The following MFNG variants were observed in gnomAD, a reference collection of about 807,000 sequenced individuals.
MFNG encodes beta-1,3-N-acetylglucosaminyltransferase manic fringe.
A neutral mutation model predicts 34.2 loss-of-function variants in MFNG; 24 were observed. The observed-to-expected ratio is 0.70, with a 90% CI of 0.51 to 0.99. The LOEUF (loss-of-function observed/expected upper bound fraction) is 0.99. Ranked by LOEUF, MFNG falls within the 50% of genes least tolerant of loss-of-function variation. The probability of loss-of-function intolerance (pLI) is 0.00; values close to 1 mark genes in which losing one functional copy is unlikely to be tolerated. For missense variants in MFNG, 383 were observed against 424.0 expected (o/e 0.90, Z 0.85); for synonymous variants, 158 against 179.2 (o/e 0.88, Z 0.94).
At chr22:37,484,813 G>T (rs1400604576) in intron 1 of MFNG, among the ~76,000 whole-genome samples, 1 of 152,232 alleles carries the variant, frequency 6.6e-6, no homozygotes, top group Non-Finnish European at 1.5e-5. Flanking sequence ...TTAATCCCAA[G>T]TACGAGGGCA....
At chr22:37,480,801 A>G (rs1316216554) in intron 1 of MFNG, 32 bp from the exon 2 acceptor site, 4 of 1,606,772 alleles carry the variant, frequency 2.5e-6, no homozygotes, top group East Asian at 2.2e-5. Context: ...CAGGACTCAC[A>G]TCGGCCCAAG....
At chr22:37,471,048 G>C (rs958927493) in intron 7 of MFNG, among the ~76,000 whole-genome samples, 16 of 152,070 alleles carry the variant, frequency 1.1e-4, no homozygotes, top group African/African-American at 3.6e-4. Flanking sequence ...GTCAACATCA[G>C]GGCTCTGACT....
At position 37,480,721 on chromosome 22, in the gene MFNG, C is replaced by T. The variant is rs766925870; in HGVS notation, c.304G>A (p.Gly102Arg). The T allele has an allele frequency of 6.2e-7, 1 of 1,613,528 alleles. No individual in the cohort carries two copies. Among genetic ancestry groups the T allele is most frequent in the Non-Finnish European group, 8.5e-7 (1 of 1,179,730 alleles). ...CCACACCCAGGCCGGGCAGAGTTACCCAGTCTCTCCTGGAGGCCTTTGTCT... is the reference window on the plus strand; with the variant it reads ...CCACACCCAGGCCGGGCAGAGTTACTCAGTCTCTCCTGGAGGCCTTTGTCT... ...SPDKGLQERL[G>R]SHLVVTNCSA... Residue 102 changes from glycine to arginine, a missense_variant and splice_region_variant, in exon 2 of 8, where the codon GGG (glycine) becomes AGG (arginine). Gly to Arg is a moderately radical substitution (Grantham distance 125). Coordinates refer to ENST00000356998, the MANE Select transcript of MFNG (RefSeq NM_002405.4).
chr22:37,481,060 TCACCCTCTTCTATCA>T (rs949134347), intron 1 of MFNG: 1 of 466,692 alleles, frequency 2.1e-6, no homozygotes, highest in African/African-American at 2.0e-5. Flanking sequence ...GGGCAGCATC[TCACCCTCTTCTATCA>T]CACACACACA....
chr22:37,482,387 C>A lies in MFNG; in HGVS notation c.256-1618G>T, dbSNP rs1463437013. ...TGCCTGATGTAGTCTGATCTCATTA[C>A]TTCCTGTCCACCCCTGGGGCTTCTC... On this transcript the variant is annotated intron_variant, in intron 1 of 7. Coordinates refer to ENST00000356998, the MANE Select transcript of MFNG (RefSeq NM_002405.4). The surrounding 1 kb of genome is among the most constrained non-coding windows in gnomAD (Gnocchi z 4.1). Among the ~76,000 whole-genome samples, 1 of 152,076 alleles carries A rather than the reference C, an allele frequency of 6.6e-6. No homozygotes were observed. Among genetic ancestry groups the A allele is most frequent in the Non-Finnish European group, 1.5e-5 (1 of 68,004 alleles).
chr22:37,485,385 G>C lies in MFNG; in HGVS notation c.255+538C>G, dbSNP rs925457882. ...CAGAGACACAGCGGCAGGGGCTATC[G>C]GGAAGGCCGAAGGGATGCCTCCCCC... On this transcript the variant is annotated intron_variant, in intron 1 of 7. Coordinates refer to ENST00000356998, the MANE Select transcript of MFNG (RefSeq NM_002405.4). The surrounding 1 kb of genome is among the most constrained non-coding windows in gnomAD (Gnocchi z 5.3). Among the ~76,000 whole-genome samples the C allele has an allele frequency of 1.3e-5, 2 of 152,202 alleles. No individual in the cohort carries two copies. The highest frequency in any genetic ancestry group is 4.8e-5 in the African/African-American group (2 of 41,456).
rs1225395380 is a variant in MFNG at position 37,485,552 on chromosome 22, C to T, written c.255+371G>A. Among the ~76,000 whole-genome samples, 1 of 152,224 alleles carries T rather than the reference C, an allele frequency of 6.6e-6. No homozygotes were observed. Among genetic ancestry groups the T allele is most frequent in the Non-Finnish European group, 1.5e-5 (1 of 68,032 alleles). The stretch of plus-strand genomic sequence containing the variant: ...GGAGGCCTCCACCCCAGCTGCCCAA[C>T]ACCCACCATTACCCCTGATGCCAGG... On this transcript the variant is annotated intron_variant, in intron 1 of 7. Transcript: ENST00000356998. The surrounding 1 kb of genome is among the most constrained non-coding windows in gnomAD (Gnocchi z 5.3).
At chr22:37,479,303 G>C in intron 4 of MFNG, 42 bp downstream of exon 4, 1 of 1,516,624 alleles carries the variant, frequency 6.6e-7, no homozygotes, top group Non-Finnish European at 8.8e-7. Flanking sequence ...CGGCCCTTGG[G>C]ATCAGCGGGC....
At chr22:37,480,441 C>T in intron 2 of MFNG, 142 bp from the exon 3 acceptor site, 1 of 707,700 alleles carries the variant, frequency 1.4e-6, no homozygotes. Flanking sequence ...GGACTGAGAC[C>T]CGGGGAAGGC....
Position 37,480,277 on chromosome 22 carries a change from G to T in MFNG, c.327C>A (p.Asn109Lys), listed in dbSNP as rs748308130. 1.9e-6 allele frequency: 3 copies of T among 1,613,810 alleles called. No individual in the cohort carries two copies. Among genetic ancestry groups the T allele is most frequent in the Middle Eastern group, 1.7e-4 (1 of 6,058 alleles). The change falls in exon 3 of 8, where the codon AAC becomes AAA. Residue 109 changes from asparagine (N) to lysine (K), a missense_variant. Asn to Lys is a moderately conservative substitution (Grantham distance 94). Coordinates refer to ENST00000356998, the MANE Select transcript of MFNG (RefSeq NM_002405.4). ...ERLGSHLVVT[N>K]CSAEHSHPAL... ...CTGGGTGGCTGTGTTCCGCGGAGCA[G>T]TTGGTGACCACAAGGTGGGACCCTG... is the stretch of plus-strand genomic sequence containing the variant.
chr22:37,474,689 A>G lies in MFNG; in HGVS notation c.648-12T>C. 1 of 1,583,120 alleles carries G rather than the reference A, an allele frequency of 6.3e-7. No homozygotes were observed. The highest frequency in any genetic ancestry group is 8.6e-7 in the Non-Finnish European group (1 of 1,162,670). ...TGAAACGGGAGCCACTGAGGGACAGAGCCAGACTGCAGACGCTGGCCCAGG... is the reference window on the plus strand; with the variant it reads ...TGAAACGGGAGCCACTGAGGGACAGGGCCAGACTGCAGACGCTGGCCCAGG... On this transcript the variant is annotated splice_polypyrimidine_tract_variant and intron_variant, in intron 5 of 7. Transcript: ENST00000356998.
intron 7 of MFNG, among the ~76,000 whole-genome samples, chr22:37,470,540 C>T (rs989076471): frequency 7.2e-5 from 11 of 152,216 alleles, no homozygotes; most frequent in African/African-American, 1.9e-4. Context: ...ACACTGCTGA[C>T]GGGGAGCTCA....
rs1019735342 is a variant in MFNG, at chr22:37,483,512, T to C, written c.255+2411A>G. 1.3e-5 allele frequency among the ~76,000 whole-genome samples: 2 copies of C among 150,702 alleles called. No individual in the cohort carries two copies. The highest frequency in any genetic ancestry group is 2.4e-5 in the African/African-American group (1 of 40,890). Reference sequence around the variant, plus strand: ...TTTCCCGGTGAAGATCTAGTAAGCCTGAATAAAGCAGGAGAATAGGCACTT... The same window carrying C: ...TTTCCCGGTGAAGATCTAGTAAGCCCGAATAAAGCAGGAGAATAGGCACTT... On this transcript the variant is annotated intron_variant, in intron 1 of 7. Coordinates refer to ENST00000356998, the MANE Select transcript of MFNG (RefSeq NM_002405.4). The surrounding 1 kb of genome is among the most constrained non-coding windows in gnomAD (Gnocchi z 4.5).
At chr22:37,474,710 C>T (rs747915619) in intron 5 of MFNG, 33 bp from the exon 6 acceptor site, 2 of 1,551,398 alleles carry the variant, frequency 1.3e-6, no homozygotes, top group Non-Finnish European at 1.7e-6. Flanking sequence ...AGACGCTGGC[C>T]CAGGCCCTCC....
intron 1 of MFNG, chr22:37,481,405 G>A (rs1039643094): frequency 6.5e-6 from 1 of 152,832 alleles, no homozygotes; most frequent in Non-Finnish European, 1.5e-5. Context: ...GCTGAGTGAT[G>A]GACCAGGATT....
At chr22:37,471,981 G>A (rs560896368) in intron 7 of MFNG, among the ~76,000 whole-genome samples, 65 of 152,164 alleles carry the variant, frequency 4.3e-4, no homozygotes, top group African/African-American at 1.5e-3. Context: ...GTTCTGGGCA[G>A]AACTGGAAGG....
rs1456974163 is a variant in MFNG, at chr22:37,469,949, C to T, written c.*14G>A. ...CAGAAGTCTCTGCCCAACCTTTGCC[C>T]AGCAGTTCAGGATTCATCGGGCACC... On this transcript the variant is annotated 3_prime_UTR_variant, in exon 8 of 8. Coordinates refer to ENST00000356998, the MANE Select transcript of MFNG (RefSeq NM_002405.4). 1 of 1,595,228 alleles carries T rather than the reference C, an allele frequency of 6.3e-7. No individual in the cohort carries two copies. Among genetic ancestry groups the T allele is most frequent in the South Asian group, 1.1e-5 (1 of 88,154 alleles).
intron 5 of MFNG, 118 bp from the exon 6 acceptor site, chr22:37,474,795 G>T: frequency 8.9e-7 from 1 of 1,120,866 alleles, no homozygotes; most frequent in Non-Finnish European, 1.3e-6. Flanking sequence ...CCTGCCTCCT[G>T]CATACTGTAT....
rs987918829 is a variant in MFNG at position 37,469,794 on chromosome 22, G to A, written c.*169C>T. On this transcript the variant is annotated 3_prime_UTR_variant, in exon 8 of 8. Coordinates refer to ENST00000356998, the MANE Select transcript of MFNG (RefSeq NM_002405.4). Reference sequence around the variant, plus strand: ...TGTCTAACTCACCTCCCAGGGGCCTGGGGTGCCTTCAGTGCCAATTGCCAC... The same window carrying A: ...TGTCTAACTCACCTCCCAGGGGCCTAGGGTGCCTTCAGTGCCAATTGCCAC... The A allele has an allele frequency of 8.4e-6, 6 of 711,190 alleles. No individual in the cohort carries two copies. The highest frequency in any genetic ancestry group is 2.0e-5 in the Admixed American group (1 of 49,556). The allele number at this position is 711,190 out of a possible 1,614,324, so 44.1% of individuals were successfully genotyped here. A position where few individuals can be genotyped will look rare whatever the true frequency, so the allele number is the denominator to read the frequency against.
Sources: allele counts gnomAD v4.1 joint callset (sites outside exome capture counted in the v4.1 genomes callset), GRCh38; gene constraint gnomAD v4.1.1; non-coding constraint Gnocchi (gnomAD v3.1); transcripts MANE v1.5; gene names NCBI Gene and HGNC (gene_info 2026-07-23, HGNC 2026-07-21).